The following GSTZ1 variants were observed in gnomAD, a reference collection of about 807,000 sequenced individuals.
GSTZ1 encodes the protein glutathione S-transferase zeta 1.
GSTZ1 carries 34 observed loss-of-function variants against 35.9 expected under a neutral mutation model. That is an observed-to-expected ratio of 0.95 (90% CI 0.72 to 1.26). The LOEUF (loss-of-function observed/expected upper bound fraction) is 1.26. GSTZ1 is among the 50% of genes most tolerant of loss of function. The pLI, the probability that GSTZ1 is intolerant of heterozygous loss-of-function variation, is 0.00. For missense variants in GSTZ1, 263 were observed against 271.7 expected (o/e 0.97, Z 0.23); for synonymous variants, 93 against 101.2 (o/e 0.92, Z 0.49).
In GSTZ1 at chr14:77,329,209, C is replaced by G. The variant is rs1466831590; in HGVS notation, c.421+8C>G. The G allele has an allele frequency of 6.3e-7, 1 of 1,577,270 alleles. No individual in the cohort carries two copies. The highest frequency in any genetic ancestry group is 8.7e-7 in the Non-Finnish European group (1 of 1,146,442). On this transcript the variant is annotated splice_region_variant and intron_variant, in intron 6 of 8. Transcript: ENST00000216465. ...TCACTTGTGGCTTTAACGGTGAGTC[C>G]TCACCTCTGTGAGCTGCCCCACAGT...
intron 7 of GSTZ1, 104 bp downstream of exon 7, chr14:77,329,911 T>TCTCTGTGCCATGGGGCACTCCTCAG (rs1892531787): frequency 2.3e-6 from 2 of 864,596 alleles, no homozygotes; most frequent in Non-Finnish European, 3.9e-6. Flanking sequence ...TGCAGGGGGA[T>TCTCTGTGCCATGGGGCACTCCTCAG]CTCTGTGCCA....
intron 7 of GSTZ1, 157 bp from the exon 8 acceptor site, chr14:77,330,153 C>T (rs1241832344): frequency 7.8e-6 from 6 of 774,116 alleles, no homozygotes; most frequent in Non-Finnish European, 1.2e-5. Context: ...GGGACAGACT[C>T]ATGCAGGCCT....
In GSTZ1 at chr14:77,326,903, C is replaced by T. The variant is rs749092909; in HGVS notation, c.133C>T (p.Gln45Ter). ...CAATCTCATAAAGGATGGGGGCCAA[C>T]AGGTAAGAAGGCTGTGCCCAGACCA... Reference protein sequence around the residue: ...PINLIKDGGQQFSKDFQALNP... With the variant: ...PINLIKDGGQ The change falls in exon 3 of 9, where the codon CAG (glutamine) becomes TAG (stop). Residue 45 changes from glutamine (Q) to a stop codon, truncating the protein, a stop_gained and splice_region_variant. Coordinates refer to ENST00000216465, the MANE Select transcript of GSTZ1 (RefSeq NM_145870.3). LOFTEE classifies it high-confidence loss of function. 6 of 1,598,448 alleles carry T rather than the reference C, an allele frequency of 3.8e-6. No homozygotes were observed. The South Asian group carries it at 6.7e-5, about 18-fold the overall frequency.
intron 2 of GSTZ1, 62 bp downstream of exon 2, chr14:77,324,983 C>G: frequency 7.1e-7 from 1 of 1,409,476 alleles, no homozygotes; most frequent in Non-Finnish European, 1.0e-6. Flanking sequence ...CGGATAAGCC[C>G]GGGTGCAAAG....
intron 5 of GSTZ1, chr14:77,328,821 AC>A: frequency 4.7e-6 from 2 of 428,374 alleles, no homozygotes; most frequent in African/African-American, 2.0e-5. Flanking sequence ...AGTTGTGGGC[AC>A]ACCTGCCACA....
At chr14:77,329,954 G>A (rs757195662) in intron 7 of GSTZ1, 147 bp downstream of exon 7, 71 of 681,972 alleles carry the variant, frequency 1.0e-4, no homozygotes, top group Non-Finnish European at 1.5e-4. Flanking sequence ...CCACTAAACC[G>A]TCTTAAGAGG....
intron 1 of GSTZ1, chr14:77,322,461 C>A: frequency 3.3e-6 from 1 of 304,764 alleles, no homozygotes; most frequent in Non-Finnish European, 4.8e-6. Context: ...TAGTACAGAT[C>A]CAAAGGTGTA....
At position 77,324,929 on chromosome 14, in the gene GSTZ1, A is replaced by G. The variant is rs1892240356; in HGVS notation, c.67+8A>G. 6.2e-7 allele frequency: 1 copy of G among 1,610,542 alleles called. No homozygotes were observed. Among genetic ancestry groups the G allele is most frequent in the Non-Finnish European group, 8.5e-7 (1 of 1,176,766 alleles). ...CATGGAGAGTTCGAATTGGTAAGAG[A>G]TGTGCCTCCTCCAGGATGAGTGCTG... On this transcript the variant is annotated splice_region_variant and intron_variant, in intron 2 of 8. Coordinates refer to ENST00000216465, the MANE Select transcript of GSTZ1 (RefSeq NM_145870.3).
At chr14:77,327,450 C>T (rs751278822) in intron 3 of GSTZ1, 22 bp from the exon 4 acceptor site, 3 of 1,563,396 alleles carry the variant, frequency 1.9e-6, no homozygotes, top group South Asian at 1.1e-5. Context: ...CCACCCAGCC[C>T]ACCAGGGCCT....
At chr14:77,327,228 C>T (rs1423127709) in intron 3 of GSTZ1, 4 of 596,106 alleles carry the variant, frequency 6.7e-6, no homozygotes, top group Non-Finnish European at 1.2e-5. Context: ...CCTTGGTGGC[C>T]ACGGTGTGAG....
intron 1 of GSTZ1, chr14:77,324,511 G>A (rs1349028150): frequency 1.1e-5 from 13 of 1,141,508 alleles, no homozygotes; most frequent in East Asian, 2.6e-5. Context: ...TTCCCCATTG[G>A]CTCCTGAAAT....
At chr14:77,321,898 A>AAT (rs1491129157) in intron 1 of GSTZ1, among the ~76,000 whole-genome samples, 1,729 of 150,698 alleles carry the variant, frequency 0.011, 28 homozygotes, top group African/African-American at 0.04. Flanking sequence ...AAAAAAAAAA[A>AAT]GGCCCCGAGC....
intron 5 of GSTZ1, 143 bp downstream of exon 5, chr14:77,328,180 G>C: frequency 2.6e-6 from 2 of 784,010 alleles, no homozygotes; most frequent in Non-Finnish European, 4.0e-6. Flanking sequence ...CCATGTGAAA[G>C]AAGGGGGTGA....
Position 77,329,133 on chromosome 14 carries a change from T to A in GSTZ1, c.353T>A (p.Val118Asp). The A allele has an allele frequency of 6.2e-7, 1 of 1,612,384 alleles. No homozygotes were observed. The highest frequency in any genetic ancestry group is 8.5e-7 in the Non-Finnish European group (1 of 1,178,374). ...GGIQPLQNLS[V>D]LKQVGEEMQL... ...CTTTGGGCTGCACAGAACCTGTCTG[T>A]CCTGAAGCAAGTGGGAGAGGAGATG... The change falls in exon 6 of 9, where the codon GTC becomes GAC. Residue 118 changes from valine (V) to aspartate (D), a missense_variant. Val to Asp is a radical substitution (Grantham distance 152). Coordinates refer to ENST00000216465, the MANE Select transcript of GSTZ1 (RefSeq NM_145870.3).
chr14:77,321,049 T>A lies in GSTZ1; in HGVS notation c.-120T>A. 2 of 1,132,392 alleles carry A rather than the reference T, an allele frequency of 1.8e-6. No homozygotes were observed. The highest frequency in any genetic ancestry group is 2.4e-6 in the Non-Finnish European group (2 of 821,198). 70.1% of individuals were successfully genotyped at this position (1,132,392 alleles called of 1,614,324 possible). A position where few individuals can be genotyped will look rare whatever the true frequency, so the allele number is the denominator to read the frequency against. On this transcript the variant is annotated 5_prime_UTR_variant, in exon 1 of 9. Coordinates refer to ENST00000216465, the MANE Select transcript of GSTZ1 (RefSeq NM_145870.3). ...GGAAGGATCTTTCTAGTCCAGCCCC[T>A]CGCTTTACCCGGACGAAAGACACGG...
intron 1 of GSTZ1, 174 bp downstream of exon 1, chr14:77,321,357 G>C: frequency 6.5e-7 from 1 of 1,531,980 alleles, no homozygotes. Context: ...GCTGGGGCTC[G>C]AAGTTCCGGG....
In GSTZ1 at chr14:77,331,422, A is replaced by G. The variant is rs1179670980; in HGVS notation, c.*227A>G. ...AGGGTGGGCAGGAATACTGTTATCTATGTGACGGGGCAGTCGTGAGGCTGA... is the reference window on the plus strand; with the variant it reads ...AGGGTGGGCAGGAATACTGTTATCTGTGTGACGGGGCAGTCGTGAGGCTGA... On this transcript the variant is annotated 3_prime_UTR_variant, in exon 9 of 9. Coordinates refer to ENST00000216465, the MANE Select transcript of GSTZ1 (RefSeq NM_145870.3). 1.2e-5 allele frequency: 6 copies of G among 500,000 alleles called. No homozygotes were observed. Among genetic ancestry groups the G allele is most frequent in the Non-Finnish European group, 2.1e-5 (6 of 280,632 alleles). 31.0% of individuals were successfully genotyped at this position (500,000 alleles called of 1,614,324 possible).
rs776637618 is a variant in GSTZ1 at position 77,326,789 on chromosome 14, G to A, written c.68-49G>A. 4 of 1,359,238 alleles carry A rather than the reference G, an allele frequency of 2.9e-6. No homozygotes were observed. In the East Asian group the frequency reaches 9.6e-5, roughly 33 times the overall value. 84.2% of individuals were successfully genotyped at this position (1,359,238 alleles called of 1,614,324 possible). A position where few individuals can be genotyped will look rare whatever the true frequency, so the allele number is the denominator to read the frequency against. Reference sequence around the variant, plus strand: ...CTTAGAAGGGCTCTTTCCTTTAAGAGTACGGCGAGAGGCTGTTCTTTGACT... The same window carrying A: ...CTTAGAAGGGCTCTTTCCTTTAAGAATACGGCGAGAGGCTGTTCTTTGACT... On this transcript the variant is annotated intron_variant, in intron 2 of 8. Transcript: ENST00000216465.
chr14:77,321,293 G>A (rs1289023281), intron 1 of GSTZ1, 110 bp downstream of exon 1: 2 of 1,522,150 alleles, frequency 1.3e-6, no homozygotes, highest in Admixed American at 2.0e-5. Flanking sequence ...ACGACTCCCG[G>A]CATGCAGTGC....
Sources: allele counts gnomAD v4.1 joint callset (sites outside exome capture counted in the v4.1 genomes callset), GRCh38; gene constraint gnomAD v4.1.1; transcripts MANE v1.5; gene names NCBI Gene and HGNC (gene_info 2026-07-23, HGNC 2026-07-21).